Variants in ZNF581 observed in about 807,000 individuals in gnomAD.
ZNF581 encodes zinc finger protein 581.
ZNF581 carries 1 observed loss-of-function variant against 1.2 expected under a neutral mutation model. The observed-to-expected ratio is 0.83, with a 90% CI of 0.30 to 3.95. The LOEUF is 3.95. ZNF581 is among the 30% of genes most tolerant of loss of function. ZNF581 has a pLI of 0.18. For missense variants in ZNF581, 273 were observed against 274.6 expected, an observed-to-expected ratio of 0.99 and a Z score of 0.04; for synonymous variants, 105 against 109.2, an observed-to-expected ratio of 0.96 and a Z score of 0.24.
At chr19:55,638,690 A>T (rs1356421725), upstream of ZNF581, among the ~76,000 whole-genome samples, 2 of 152,016 alleles carry the variant, frequency 1.3e-5, no homozygotes, top group Non-Finnish European at 2.9e-5. Flanking sequence ...TTACATTTCA[A>T]CATGAGATTT....
chr19:55,644,660 C>G lies in ZNF581; in HGVS notation c.89C>G (p.Ser30Cys). ...GGCCCTCCCCGTCGGACTTGCCGCTCCCCAGAACCTGGACCTTCCTCCTCC... is the reference window on the plus strand; with the variant it reads ...GGCCCTCCCCGTCGGACTTGCCGCTGCCCAGAACCTGGACCTTCCTCCTCC... ...MEGPPRRTCR[S>C]PEPGPSSSIG... Residue 30 changes from serine to cysteine, a missense_variant, in exon 2 of 2, where the codon TCC becomes TGC. Transcript: ENST00000270451. This position sits in a 1 kb window ranked among gnomAD's most constrained non-coding sequence, Gnocchi z 4.3. 1 of 1,612,242 alleles carries G rather than the reference C, an allele frequency of 6.2e-7. No homozygotes were observed. The highest frequency in any genetic ancestry group is 8.5e-7 in the Non-Finnish European group (1 of 1,179,162).
Position 55,644,860 on chromosome 19 carries a change from G to A in ZNF581, c.289G>A (p.Glu97Lys). 3.1e-6 allele frequency: 5 copies of A among 1,613,392 alleles called. No homozygotes were observed. Among genetic ancestry groups the A allele is most frequent in the Non-Finnish European group, 4.2e-6 (5 of 1,179,370 alleles). ...YSCPVCSRVF[E>K]YMSYLQRHSI... is the part of the protein sequence containing the mutation. ...CTGCCCCGTGTGCTCAAGGGTCTTC[G>A]AGTACATGTCCTACCTTCAGCGACA... Residue 97 changes from glutamate (E) to lysine (K), a missense_variant, in exon 2 of 2, where the codon GAG (glutamate) becomes AAG (lysine). By Grantham distance (56) the Glu-to-Lys change is moderately conservative. Coordinates refer to ENST00000270451, the MANE Select transcript of ZNF581 (RefSeq NM_016535.4). This position sits in a 1 kb window ranked among gnomAD's most constrained non-coding sequence, Gnocchi z 4.3.
intron 1 of ZNF581, chr19:55,635,764 C>T (rs992703845): frequency 1.6e-5 from 16 of 972,336 alleles, no homozygotes; most frequent in Non-Finnish European, 2.0e-5. Flanking sequence ...TTGTGAGAGG[C>T]CTTTCATGGC....
At position 55,645,286 on chromosome 19, in the gene ZNF581, C is replaced by A; in HGVS notation, c.*121C>A. 1.2e-6 allele frequency: 1 copy of A among 850,072 alleles called. No individual in the cohort carries two copies. The allele number at this position is 850,072 out of a possible 1,614,324, so 52.7% of individuals were successfully genotyped here. ...GCCCTGGACACAGACACAGAGCAGC[C>A]GCATCTCAAAGGCAGAGCCCTGCCT... On this transcript the variant is annotated 3_prime_UTR_variant, in exon 2 of 2. Coordinates refer to ENST00000270451, the MANE Select transcript of ZNF581 (RefSeq NM_016535.4).
Position 55,644,763 on chromosome 19 carries a change from A to G in ZNF581, c.192A>G (p.Thr64=). Residue 64 remains threonine (T), a synonymous_variant, in exon 2 of 2, where the codon ACA becomes ACG. Transcript: ENST00000270451. This position sits in a 1 kb window ranked among gnomAD's most constrained non-coding sequence, Gnocchi z 4.3. ...LLIDTQGVPY[T]VLVDEESQRE... Reference sequence around the variant, plus strand: ...TTGACACTCAGGGTGTCCCCTACACAGTGCTGGTGGACGAGGAGTCACAGA... The same window carrying G: ...TTGACACTCAGGGTGTCCCCTACACGGTGCTGGTGGACGAGGAGTCACAGA... 6.2e-7 allele frequency: 1 copy of G among 1,613,922 alleles called. No homozygotes were observed. Among genetic ancestry groups the G allele is most frequent in the African/African-American group, 1.3e-5 (1 of 75,032 alleles).
chr19:55,641,017 C>G, upstream of ZNF581: 3 of 985,360 alleles, frequency 3.0e-6, no homozygotes, highest in Non-Finnish European at 3.6e-6. Context: ...TTCCCAGGGA[C>G]TCCGCCAACC....
chr19:55,636,948 T>TG (rs376986698), upstream of ZNF581, among the ~76,000 whole-genome samples: 148 of 152,178 alleles, frequency 9.7e-4, 1 homozygote, highest in African/African-American at 3.5e-3. Context: ...GGAAGGCAGC[T>TG]GGGGGGCCAG....
At chr19:55,640,499 C>T (rs975484389), upstream of ZNF581, 3 of 985,362 alleles carry the variant, frequency 3.0e-6, no homozygotes, top group Non-Finnish European at 3.6e-6. Flanking sequence ...CTCTGTGGGC[C>T]TCGGTTCCCG....
chr19:55,643,362 T>C, upstream of ZNF581: 1 of 305,214 alleles, frequency 3.3e-6, no homozygotes. Flanking sequence ...GGTGGTTGTC[T>C]GCGGGGAAGA....
upstream of ZNF581, chr19:55,642,420 G>A (rs1407110671): frequency 7.9e-6 from 11 of 1,392,680 alleles, no homozygotes; most frequent in South Asian, 1.8e-5. Flanking sequence ...AGTGATAGTG[G>A]GGATGCTTTC....
At chr19:55,642,066 G>A, upstream of ZNF581, 1 of 988,034 alleles carries the variant, frequency 1.0e-6, no homozygotes, top group Non-Finnish European at 1.2e-6. Flanking sequence ...ACTGAACTGG[G>A]GCTGGGCAAC....
At chr19:55,636,008 A>G (rs1361012349) in intron 1 of ZNF581, among the ~76,000 whole-genome samples, 1 of 152,148 alleles carries the variant, frequency 6.6e-6, no homozygotes, top group African/African-American at 2.4e-5. Flanking sequence ...GGGCTGTGAG[A>G]TGCCGTGTGT....
chr19:55,636,247 C>T (rs1344622584), upstream of ZNF581, among the ~76,000 whole-genome samples: 2 of 152,050 alleles, frequency 1.3e-5, no homozygotes, highest in Non-Finnish European at 2.9e-5. Context: ...TATGGTGGTC[C>T]AGGTGAGAAG....
At chr19:55,643,175 G>A, upstream of ZNF581, 3 of 1,232,366 alleles carry the variant, frequency 2.4e-6, no homozygotes, top group Non-Finnish European at 2.1e-6. Flanking sequence ...CCAAAGGGAG[G>A]AGCATCATTC....
upstream of ZNF581, among the ~76,000 whole-genome samples, chr19:55,636,593 G>A (rs1018588892): frequency 1.3e-5 from 2 of 152,134 alleles, no homozygotes; most frequent in African/African-American, 4.8e-5. Flanking sequence ...AGATTCTGAG[G>A]GTAGAATGTT....
At chr19:55,643,366 G>T, upstream of ZNF581, 1 of 300,810 alleles carries the variant, frequency 3.3e-6, no homozygotes, top group East Asian at 5.9e-5. Context: ...GTTGTCTGCG[G>T]GGAAGAGATG....
upstream of ZNF581, chr19:55,643,133 T>C (rs552124001): frequency 2.0e-4 from 257 of 1,273,078 alleles, 1 homozygote; most frequent in Non-Finnish European, 2.4e-4. Context: ...CTGAGGTTAC[T>C]GCCTTACCCT....
chr19:55,642,073 C>G, upstream of ZNF581: 1 of 988,004 alleles, frequency 1.0e-6, no homozygotes, highest in Non-Finnish European at 1.2e-6. Context: ...TGGGGCTGGG[C>G]AACAGGAAAA....
At position 55,645,163 on chromosome 19, in the gene ZNF581, T is replaced by C. The variant is rs1982779446; in HGVS notation, c.592T>C (p.Ter198ArgextTer27). 6.6e-7 allele frequency: 1 copy of C among 1,513,218 alleles called. No individual in the cohort carries two copies. Among genetic ancestry groups the C allele is most frequent in the Non-Finnish European group, 8.9e-7 (1 of 1,128,654 alleles). The allele number at this position is 1,513,218 out of a possible 1,614,324, so 93.7% of individuals were successfully genotyped here. A position where few individuals can be genotyped will look rare whatever the true frequency, so the allele number is the denominator to read the frequency against. Residue 198 changes from the stop codon to arginine, a stop_lost, in exon 2 of 2, where the codon TGA becomes CGA. Transcript: ENST00000270451. ...LQKHTRWKHP[*>R] is the part of the protein sequence containing the mutation. ...GAAACACACGCGGTGGAAGCATCCA[T>C]GAGCCGGGCTGCCGGGTGCCCCAGG...
Sources: gnomAD v4.1 joint callset for allele counts (sites outside exome capture counted in the v4.1 genomes callset) on GRCh38, gnomAD v4.1.1 for gene constraint, Gnocchi (gnomAD v3.1) non-coding constraint, MANE v1.5 for transcripts, NCBI Gene and HGNC (gene_info 2026-07-23, HGNC 2026-07-21) for gene names.